The following NWD1 variants were observed in gnomAD, a reference collection of about 807,000 sequenced individuals.
NWD1 encodes NACHT domain- and WD repeat-containing protein 1.
Under a neutral mutation model 135.1 loss-of-function variants are expected in NWD1, and 129 were observed. The observed-to-expected ratio is 0.96, with a 90% CI of 0.83 to 1.11. The LOEUF is 1.11. NWD1 is among the 50% of genes least tolerant of loss of function. The probability of loss-of-function intolerance (pLI) is 0.00; values close to 1 mark genes in which losing one functional copy is unlikely to be tolerated. For synonymous variants in NWD1, 773 were observed against 786.0 expected (o/e 0.98, Z 0.28); for missense variants, 1,740 against 1,851.3 (o/e 0.94, Z 1.10).
Position 16,807,836 on chromosome 19 carries a change from CG to C in NWD1, c.3991del (p.Asp1331ThrfsTer27). ...NIVLVLDITS[G>X]DPCPVIDGPR... ...TCGTCCTGGTGCTGGACATCACCTC[CG>C]GGGACCCCTGCCCGGTCATCGATGG... On this transcript the variant is annotated frameshift_variant, in exon 18 of 19. Coordinates refer to ENST00000524140, the MANE Select transcript of NWD1 (RefSeq NM_001007525.5). LOFTEE classifies it high-confidence loss of function. 1 of 1,614,178 alleles carries C rather than the reference CG, an allele frequency of 6.2e-7. No individual in the cohort carries two copies. Among genetic ancestry groups the C allele is most frequent in the South Asian group, 1.1e-5 (1 of 91,076 alleles).
intron 8 of NWD1, 80 bp from the exon 9 acceptor site, chr19:16,763,748 T>C: frequency 1.1e-6 from 1 of 872,612 alleles, no homozygotes; most frequent in Admixed American, 1.7e-5. Context: ...GTCTGGAGCA[T>C]GAGGTGAATG....
intron 6 of NWD1, among the ~76,000 whole-genome samples, chr19:16,751,421 G>T (rs1968573500): frequency 6.7e-6 from 1 of 150,294 alleles, no homozygotes; most frequent in Non-Finnish European, 1.5e-5. Flanking sequence ...GAAAGGAAGA[G>T]TGAAAGAAGG....
intron 18 of NWD1, among the ~76,000 whole-genome samples, chr19:16,808,615 T>C (rs993399994): frequency 1.2e-4 from 18 of 148,888 alleles, no homozygotes; most frequent in African/African-American, 4.2e-4. Flanking sequence ...TTTGTTTTCA[T>C]TTTTTTTTTA....
intron 10 of NWD1, among the ~76,000 whole-genome samples, chr19:16,768,135 C>T (rs10403241): frequency 0.046 from 6,940 of 152,016 alleles, 194 homozygotes; most frequent in African/African-American, 0.083. Flanking sequence ...GCTGGGATTA[C>T]AGGTGTGTGC....
At chr19:16,756,004 T>C (rs1677873125) in intron 6 of NWD1, among the ~76,000 whole-genome samples, 1 of 152,100 alleles carries the variant, frequency 6.6e-6, no homozygotes, top group South Asian at 2.1e-4. Flanking sequence ...ACATAAATGG[T>C]CGACGAACAT....
At chr19:16,742,070 C>A (rs1657432817) in intron 4 of NWD1, among the ~76,000 whole-genome samples, 1 of 148,986 alleles carries the variant, frequency 6.7e-6, no homozygotes, top group African/African-American at 2.5e-5. Flanking sequence ...CAGAGTGAAA[C>A]TGTGTCTCAA....
rs1195322175 is a variant in NWD1, at chr19:16,741,479, C to T, written c.199-2942C>T. Among the ~76,000 whole-genome samples, 3 of 150,818 alleles carry T rather than the reference C, an allele frequency of 2.0e-5. No homozygotes were observed. The Admixed American group carries it at 2.0e-4, about 10-fold the overall frequency. ...CTCCTGGGTTCAAGCAATTCTCCTT[C>T]CTCAGCCTCCCAAGTAGCTGGGATT... On this transcript the variant is annotated intron_variant, in intron 4 of 18. Coordinates refer to ENST00000524140, the MANE Select transcript of NWD1 (RefSeq NM_001007525.5).
intron 4 of NWD1, among the ~76,000 whole-genome samples, chr19:16,742,231 C>T (rs1486841674): frequency 6.6e-6 from 1 of 151,868 alleles, no homozygotes; most frequent in Non-Finnish European, 1.5e-5. Flanking sequence ...AAAAATTAGC[C>T]AGGCGTGGTG....
chr19:16,761,958 G>C (rs1156920874), intron 7 of NWD1, 21 bp from the exon 8 acceptor site: 1 of 1,605,840 alleles, frequency 6.2e-7, no homozygotes, highest in Admixed American at 1.7e-5. Context: ...AGGTCTATCA[G>C]TCTGTATACC....
intron 12 of NWD1, among the ~76,000 whole-genome samples, chr19:16,786,206 A>T (rs904406417): frequency 1.3e-5 from 2 of 151,458 alleles, no homozygotes; most frequent in Non-Finnish European, 2.9e-5. Context: ...ACAGGGACTC[A>T]CTATGTTGCC....
chr19:16,725,960 GT>G (rs527696514), intron 2 of NWD1, among the ~76,000 whole-genome samples: 1 of 133,826 alleles, frequency 7.5e-6, no homozygotes. Context: ...TTTTTTGTTT[GT>G]TTTTTTTTGC....
At chr19:16,808,936 T>C (rs1970837661) in intron 18 of NWD1, among the ~76,000 whole-genome samples, 2 of 151,904 alleles carry the variant, frequency 1.3e-5, no homozygotes, top group Admixed American at 1.3e-4. Flanking sequence ...AATGCAAAAA[T>C]TAGCTGGGCA....
intron 17 of NWD1, among the ~76,000 whole-genome samples, chr19:16,804,815 T>C (rs1970704628): frequency 7.3e-6 from 1 of 137,700 alleles, no homozygotes; most frequent in Non-Finnish European, 1.5e-5. Context: ...CCCTGGGGCC[T>C]CTTTTTTTTG....
rs548668824 is a variant in NWD1 at position 16,758,546 on chromosome 19, G to A, written c.1770-679G>A. ...CCTGCCTCAGCCTCCCAAAGTGCAG[G>A]GATTACAGGTGTGAGCCACCACGCC... On this transcript the variant is annotated intron_variant, in intron 6 of 18. Coordinates refer to ENST00000524140, the MANE Select transcript of NWD1 (RefSeq NM_001007525.5). Among the ~76,000 whole-genome samples the A allele has an allele frequency of 4.6e-5, 7 of 152,246 alleles. No individual in the cohort carries two copies. The South Asian group carries it at 1.0e-3, about 23-fold the overall frequency.
intron 3 of NWD1, among the ~76,000 whole-genome samples, chr19:16,732,356 A>T (rs1445502360): frequency 1.3e-5 from 2 of 151,812 alleles, no homozygotes; most frequent in Admixed American, 6.6e-5. Context: ...TTGCAGTGTG[A>T]CCTTGGACAT....
intron 16 of NWD1, among the ~76,000 whole-genome samples, chr19:16,799,553 C>G (rs1970529712): frequency 6.6e-6 from 1 of 152,022 alleles, no homozygotes; most frequent in Non-Finnish European, 1.5e-5. Flanking sequence ...GTTGCCCAGG[C>G]TTGCGTGCAA....
At chr19:16,754,462 T>TTCCA (rs59776692) in intron 6 of NWD1, among the ~76,000 whole-genome samples, 6,748 of 128,906 alleles carry the variant, frequency 0.052, 286 homozygotes, top group East Asian at 0.17. Context: ...CATCTCTATT[T>TTCCA]TCCATCCATC....
At chr19:16,798,262 A>G (rs1453664894) in intron 16 of NWD1, among the ~76,000 whole-genome samples, 1 of 152,038 alleles carries the variant, frequency 6.6e-6, no homozygotes, top group Non-Finnish European at 1.5e-5. Flanking sequence ...GGCCTCTTGA[A>G]GTTCTCTTTT....
At chr19:16,784,152 C>T (rs905240277) in intron 12 of NWD1, among the ~76,000 whole-genome samples, 1 of 151,656 alleles carries the variant, frequency 6.6e-6, no homozygotes, top group African/African-American at 2.4e-5. Flanking sequence ...TTGCTGTGAG[C>T]CGAGATCATG....
Sources: gnomAD v4.1 joint callset for allele counts (sites outside exome capture counted in the v4.1 genomes callset) on GRCh38, gnomAD v4.1.1 for gene constraint, MANE v1.5 for transcripts, NCBI Gene and HGNC (gene_info 2026-07-23, HGNC 2026-07-21) for gene names.